POU2AF2: variants seen among roughly 807,000 people sequenced by gnomAD.
POU2AF2 encodes the protein POU domain class 2-associating factor 2.
At chr11:111,257,927 G>T in the POU2AF2 span, among the ~76,000 whole-genome samples, 1 of 152,178 alleles carries the variant, frequency 6.6e-6, no homozygotes, top group East Asian at 1.9e-4. Flanking sequence ...AGACCAGCCT[G>T]GCCAACATGG....
the POU2AF2 span, among the ~76,000 whole-genome samples, chr11:111,262,302 A>C: frequency 6.6e-6 from 1 of 152,244 alleles, no homozygotes; most frequent in Non-Finnish European, 1.5e-5. Flanking sequence ...GACATAGAGC[A>C]ATTGCCATAA....
At chr11:111,282,768 T>A in the POU2AF2 span, among the ~76,000 whole-genome samples, 1 of 152,134 alleles carries the variant, frequency 6.6e-6, no homozygotes, top group Non-Finnish European at 1.5e-5. Context: ...TTATATCTTC[T>A]CCCCAGTTCA....
chr11:111,267,939 T>C, the POU2AF2 span, among the ~76,000 whole-genome samples: 2 of 152,222 alleles, frequency 1.3e-5, no homozygotes, highest in African/African-American at 2.4e-5. Context: ...TAGTATTCCA[T>C]GCTAGAAACA....
At chr11:111,250,099 G>A in the POU2AF2 span, among the ~76,000 whole-genome samples, 1 of 151,910 alleles carries the variant, frequency 6.6e-6, no homozygotes, top group Admixed American at 6.6e-5. Context: ...ATTAAAAACT[G>A]CATTCTTCTT....
At chr11:111,260,345 T>A in the POU2AF2 span, among the ~76,000 whole-genome samples, 1 of 151,408 alleles carries the variant, frequency 6.6e-6, no homozygotes, top group East Asian at 1.9e-4. Context: ...TAAAAAAAAA[T>A]GGGAGCCCCA....
chr11:111,285,701 C>T, the POU2AF2 span: 4 of 1,613,764 alleles, frequency 2.5e-6, no homozygotes, highest in South Asian at 1.1e-5. Flanking sequence ...CCAGCCTGAC[C>T]CTGTGTCTGC....
the POU2AF2 span, among the ~76,000 whole-genome samples, chr11:111,273,848 G>A: frequency 6.6e-6 from 1 of 152,214 alleles, no homozygotes; most frequent in Non-Finnish European, 1.5e-5. Context: ...GTTAGCTGCA[G>A]GAAGTTGCAG....
the POU2AF2 span, among the ~76,000 whole-genome samples, chr11:111,276,453 A>AAAATATAGAT: frequency 3.2e-4 from 12 of 37,682 alleles, no homozygotes; most frequent in Non-Finnish European, 6.0e-4. Flanking sequence ...AAAAAAAAAA[A>AAAATATAGAT]ATATATATAT....
chr11:111,268,491 TATTTTA>T, the POU2AF2 span, among the ~76,000 whole-genome samples: 38 of 40,888 alleles, frequency 9.3e-4, no homozygotes, highest in South Asian at 1.7e-3. Context: ...TATTTTATTT[TATTTTA>T]TTTTATTTTA....
the POU2AF2 span, among the ~76,000 whole-genome samples, chr11:111,270,359 C>T: frequency 6.6e-6 from 1 of 152,206 alleles, no homozygotes; most frequent in Non-Finnish European, 1.5e-5. Context: ...TTTACCCCTA[C>T]ACATTTGAAA....
the POU2AF2 span, among the ~76,000 whole-genome samples, chr11:111,259,329 T>G: frequency 3.4e-5 from 5 of 145,076 alleles, no homozygotes; most frequent in African/African-American, 8.3e-5. Context: ...TTTTTTTTTT[T>G]GTCTGAGACA....
At chr11:111,264,921 GAA>G in the POU2AF2 span, among the ~76,000 whole-genome samples, 1 of 111,876 alleles carries the variant, frequency 8.9e-6, no homozygotes, top group Non-Finnish European at 1.7e-5. Flanking sequence ...GAAAGAGAAA[GAA>G]AGAAGAAAGA....
chr11:111,276,452 AAATATATATAT>A, the POU2AF2 span, among the ~76,000 whole-genome samples: 36 of 35,626 alleles, frequency 1.0e-3, 1 homozygote, highest in South Asian at 4.7e-3. Context: ...AAAAAAAAAA[AAATATATATAT>A]ATATATATAT....
chr11:111,284,316 C>A, the POU2AF2 span: 1 of 1,611,350 alleles, frequency 6.2e-7, no homozygotes, highest in Admixed American at 1.7e-5. Context: ...CTGTTCAGCG[C>A]CTCGCCCCTA....
At chr11:111,256,811 T>C in the POU2AF2 span, among the ~76,000 whole-genome samples, 2 of 152,198 alleles carry the variant, frequency 1.3e-5, no homozygotes, top group Non-Finnish European at 2.9e-5. Flanking sequence ...AGGGCTTGGT[T>C]GGTGGGAATA....
the POU2AF2 span, among the ~76,000 whole-genome samples, chr11:111,254,987 A>G: frequency 1.3e-5 from 2 of 152,198 alleles, no homozygotes; most frequent in Non-Finnish European, 2.9e-5. Flanking sequence ...CCACTAATAC[A>G]GTGTATAAAT....
the POU2AF2 span, among the ~76,000 whole-genome samples, chr11:111,257,870 C>A: frequency 2.0e-5 from 3 of 152,152 alleles, no homozygotes; most frequent in Non-Finnish European, 4.4e-5. Context: ...GTAATCCCAG[C>A]ACTTTGGGAG....
the POU2AF2 span, among the ~76,000 whole-genome samples, chr11:111,268,240 C>A: frequency 1.3e-5 from 2 of 152,206 alleles, no homozygotes; most frequent in East Asian, 3.9e-4. Context: ...CGAGGCATCC[C>A]GAGCTCTGCA....
chr11:111,278,368 G>C, the POU2AF2 span, among the ~76,000 whole-genome samples: 1 of 152,312 alleles, frequency 6.6e-6, no homozygotes, highest in East Asian at 1.9e-4. Flanking sequence ...TCGAACTCGA[G>C]GTTGATATTA....
Sources: allele counts gnomAD v4.1 joint callset (sites outside exome capture counted in the v4.1 genomes callset), GRCh38; gene constraint gnomAD v4.1.1; transcripts MANE v1.5; gene names NCBI Gene and HGNC (gene_info 2026-07-23, HGNC 2026-07-21).